YTHDC1: variants seen among roughly 807,000 people sequenced by gnomAD.
YTHDC1 encodes YTH N6-methyladenosine RNA binding protein C1.
In YTHDC1, 12 loss-of-function variants were observed where a neutral mutation model predicts 107.0. The observed-to-expected ratio is 0.11, with a 90% CI of 0.07 to 0.18. The LOEUF is 0.18. YTHDC1 is among the 10% of genes least tolerant of loss of function. The probability of loss-of-function intolerance (pLI) is 1.00; values close to 1 mark genes in which losing one functional copy is unlikely to be tolerated. For missense variants in YTHDC1, 635 were observed against 898.8 expected, an observed-to-expected ratio of 0.71 and a Z score of 3.75; for synonymous variants, 280 against 289.5, an observed-to-expected ratio of 0.97 and a Z score of 0.33.
Position 68,313,914 on chromosome 4 carries a change from G to A in YTHDC1, c.*185C>T, listed in dbSNP as rs527814805. ...CAACTGTCAGCTGTGGATTTTTGGCGGATTTGAGTTTTTCCAGTTCTTATG... is the reference window on the plus strand; with the variant it reads ...CAACTGTCAGCTGTGGATTTTTGGCAGATTTGAGTTTTTCCAGTTCTTATG... On this transcript the variant is annotated 3_prime_UTR_variant, in exon 17 of 17. Coordinates refer to ENST00000344157, the MANE Select transcript of YTHDC1 (RefSeq NM_001031732.4). 5.4e-5 allele frequency: 35 copies of A among 648,984 alleles called. No homozygotes were observed. The East Asian group carries it at 6.8e-4, about 13-fold the overall frequency. 40.2% of individuals were successfully genotyped at this position (648,984 alleles called of 1,614,324 possible). A position where few individuals can be genotyped will look rare whatever the true frequency, so the allele number is the denominator to read the frequency against.
Position 68,320,209 on chromosome 4 carries a change from C to T in YTHDC1, c.1602-4G>A, listed in dbSNP as rs1366130564. The T allele has an allele frequency of 6.3e-7, 1 of 1,598,814 alleles. No individual in the cohort carries two copies. ...ATCATAATCTTCTGGTCGACGCCTACACAAATTAGACACATTAGAAATTAA... is the reference window on the plus strand; with the variant it reads ...ATCATAATCTTCTGGTCGACGCCTATACAAATTAGACACATTAGAAATTAA... On this transcript the variant is annotated splice_region_variant and splice_polypyrimidine_tract_variant and intron_variant, in intron 11 of 16. Transcript: ENST00000344157.
chr4:68,324,129 G>A lies in YTHDC1; in HGVS notation c.1434+10C>T. The A allele has an allele frequency of 6.2e-7, 1 of 1,606,204 alleles. No homozygotes were observed. The highest frequency in any genetic ancestry group is 8.5e-7 in the Non-Finnish European group (1 of 1,176,122). ...TGTGTTTTTTTAAAGAATCAATTAA[G>A]GCCACAAACCTGTCCATCACGTCCG... is the stretch of plus-strand genomic sequence containing the variant. On this transcript the variant is annotated intron_variant, in intron 10 of 16. Transcript: ENST00000344157.
At chr4:68,327,348 A>AG (rs1052430773) in intron 9 of YTHDC1, among the ~76,000 whole-genome samples, 3 of 152,206 alleles carry the variant, frequency 2.0e-5, no homozygotes, top group African/African-American at 7.2e-5. Flanking sequence ...CTCTGGATGA[A>AG]TAGTATTTCA....
rs148859562 is a variant in YTHDC1 at position 68,346,849 on chromosome 4, A to G, written c.28+2877T>C. ...ATAAATTAAACTTCATCATAGGTATATACATATAGAAAAAAACATAGTATA... is the reference window on the plus strand; with the variant it reads ...ATAAATTAAACTTCATCATAGGTATGTACATATAGAAAAAAACATAGTATA... On this transcript the variant is annotated intron_variant, in intron 1 of 16. Coordinates refer to ENST00000344157, the MANE Select transcript of YTHDC1 (RefSeq NM_001031732.4). 3.1e-3 allele frequency among the ~76,000 whole-genome samples: 476 copies of G among 152,316 alleles called. 2 individuals carry two copies. The highest frequency in any genetic ancestry group is 0.011 in the African/African-American group (449 of 41,574).
chr4:68,330,047 C>T lies in YTHDC1; in HGVS notation c.1304G>A (p.Ser435Asn), dbSNP rs751498905. 4 of 1,613,844 alleles carry T rather than the reference C, an allele frequency of 2.5e-6. No homozygotes were observed. The highest frequency in any genetic ancestry group is 1.3e-5 in the African/African-American group (1 of 75,042). Residue 435 changes from serine (S) to asparagine (N), a missense_variant, in exon 9 of 17, where the codon AGT (serine) becomes AAT (asparagine). Transcript: ENST00000344157. ...PIHWVLPAGMSAKMLGGVFKI... is the reference protein window; with the variant it reads ...PIHWVLPAGMNAKMLGGVFKI... Reference sequence around the variant, plus strand: ...AAAGACACCTCCCAGCATTTTAGCACTCATTCCTGCTGGAAGCACCCAGTG... The same window carrying T: ...AAAGACACCTCCCAGCATTTTAGCATTCATTCCTGCTGGAAGCACCCAGTG...
chr4:68,318,307 C>T (rs1050691337), intron 15 of YTHDC1, among the ~76,000 whole-genome samples: 5 of 152,094 alleles, frequency 3.3e-5, no homozygotes, highest in Admixed American at 6.5e-5. Flanking sequence ...TCAGTTTCAC[C>T]GTGTTGGCCA....
chr4:68,312,717 G>GT lies in YTHDC1; in HGVS notation c.*1381dup, dbSNP rs1721398128. 6.6e-6 allele frequency: 1 copy of GT among 152,152 alleles called. No individual in the cohort carries two copies. Among genetic ancestry groups the GT allele is most frequent in the South Asian group, 2.1e-4 (1 of 4,824 alleles). The allele number at this position is 152,152 out of a possible 1,614,324, so 9.4% of individuals were successfully genotyped here. A position where few individuals can be genotyped will look rare whatever the true frequency, so the allele number is the denominator to read the frequency against. ...CTTTTCAGGCCAATATAGATTAAATGTAAAACTGTACTATGTGATCTGGTA... is the reference window on the plus strand; with the variant it reads ...CTTTTCAGGCCAATATAGATTAAATGTTAAAACTGTACTATGTGATCTGGTA... On this transcript the variant is annotated 3_prime_UTR_variant, in exon 17 of 17. Transcript: ENST00000344157.
intron 11 of YTHDC1, among the ~76,000 whole-genome samples, chr4:68,320,909 A>G (rs1354353564): frequency 1.3e-5 from 2 of 152,104 alleles, no homozygotes; most frequent in Non-Finnish European, 2.9e-5. Context: ...ATGCCTTGTA[A>G]TAAAATAGGC....
chr4:68,314,054 C>A lies in YTHDC1; in HGVS notation c.*45G>T, dbSNP rs769350398. On this transcript the variant is annotated 3_prime_UTR_variant, in exon 17 of 17. Transcript: ENST00000344157. The stretch of plus-strand genomic sequence containing the variant: ...TGTAAACACACACAAAAAAAAAATA[C>A]AAGATTTTTTGTATCTTTAAACAAT... 2.6e-6 allele frequency: 4 copies of A among 1,567,632 alleles called. No homozygotes were observed. Among genetic ancestry groups the A allele is most frequent in the East Asian group, 4.5e-5 (2 of 44,500 alleles).
At chr4:68,323,064 A>G in intron 10 of YTHDC1, 149 bp from the exon 11 acceptor site, 1 of 693,952 alleles carries the variant, frequency 1.4e-6, no homozygotes, top group Non-Finnish European at 2.3e-6. Context: ...TTCCAGATTT[A>G]TAAAACATTT....
chr4:68,349,090 A>G (rs1210041907), intron 1 of YTHDC1, among the ~76,000 whole-genome samples: 2 of 152,206 alleles, frequency 1.3e-5, no homozygotes, highest in East Asian at 1.9e-4. Context: ...TTTTTCTAAC[A>G]TAATAGCACC....
At chr4:68,320,037 T>G in intron 12 of YTHDC1, 86 bp downstream of exon 12, 1 of 1,190,540 alleles carries the variant, frequency 8.4e-7, no homozygotes, top group Non-Finnish European at 1.2e-6. Context: ...CTTTTAAAAC[T>G]GCAGGATTGT....
chr4:68,330,433 A>C, intron 7 of YTHDC1, 123 bp from the exon 8 acceptor site: 1 of 574,134 alleles, frequency 1.7e-6, no homozygotes, highest in Non-Finnish European at 2.8e-6. Flanking sequence ...TATAATGAAG[A>C]AAGGTTTTAT....
At chr4:68,333,689 C>G (rs761457987) in intron 4 of YTHDC1, among the ~76,000 whole-genome samples, 1 of 151,114 alleles carries the variant, frequency 6.6e-6, no homozygotes, top group Non-Finnish European at 1.5e-5. Flanking sequence ...GTTTTCCAAG[C>G]GGGGGGGGAA....
At chr4:68,329,981 A>G (rs1331570383) in intron 9 of YTHDC1, 21 bp downstream of exon 9, 2 of 1,557,166 alleles carry the variant, frequency 1.3e-6, no homozygotes, top group Admixed American at 3.3e-5. Flanking sequence ...TCAGTTATCT[A>G]TACTGAAGTG....
In YTHDC1 at chr4:68,314,262, C is replaced by A; in HGVS notation, c.2021G>T (p.Arg674Leu). The A allele has an allele frequency of 6.2e-7, 1 of 1,613,966 alleles. No homozygotes were observed. ...GTCTCTTTCACGGGGTCTACTTCTC[C>A]GGCCACTGACAACAGCTTGTGTGCG... ...LRRTQAVVSG[R>L]RSRPRERDRE... Residue 674 changes from arginine to leucine, a missense_variant, in exon 17 of 17, where the codon CGG (arginine) becomes CTG (leucine). This residue lies in a region of YTHDC1 where 256 missense variants were observed against 372.9 expected (regional missense o/e 0.69). Coordinates refer to ENST00000344157, the MANE Select transcript of YTHDC1 (RefSeq NM_001031732.4).
At chr4:68,315,332 G>C (rs1721734515) in intron 16 of YTHDC1, among the ~76,000 whole-genome samples, 1 of 152,084 alleles carries the variant, frequency 6.6e-6, no homozygotes, top group African/African-American at 2.4e-5. Flanking sequence ...ATCTTTATAA[G>C]GAAATTACTG....
chr4:68,342,719 T>C (rs1724979934), intron 1 of YTHDC1, among the ~76,000 whole-genome samples: 1 of 152,186 alleles, frequency 6.6e-6, no homozygotes, highest in African/African-American at 2.4e-5. Flanking sequence ...AAAAGTACAC[T>C]TTGCATACAT....
At chr4:68,335,813 C>T (rs937327658) in intron 4 of YTHDC1, among the ~76,000 whole-genome samples, 3 of 151,366 alleles carry the variant, frequency 2.0e-5, no homozygotes, top group African/African-American at 7.3e-5. Context: ...GTTTTTACAA[C>T]AAATCCAACT....
Sources: allele counts gnomAD v4.1 joint callset (sites outside exome capture counted in the v4.1 genomes callset), GRCh38; gene constraint gnomAD v4.1.1; regional missense constraint gnomAD v4.1.1; transcripts MANE v1.5; gene names NCBI Gene and HGNC (gene_info 2026-07-23, HGNC 2026-07-21).